The following CSMD2 variants were observed in gnomAD, a reference collection of about 807,000 sequenced individuals.
CSMD2 encodes the protein CUB and Sushi multiple domains 2, also known as CUB and sushi domain-containing protein 2.
In CSMD2, 130 loss-of-function variants were observed where a neutral mutation model predicts 398.5. That is an observed-to-expected ratio of 0.33 (90% CI 0.28 to 0.38). CSMD2 has a LOEUF of 0.38. Ranked by LOEUF, CSMD2 falls within the 10% of genes least tolerant of loss-of-function variation. CSMD2 has a pLI of 1.00. For synonymous variants in CSMD2, 1,828 were observed against 1,908.5 expected (o/e 0.96, Z 1.10); for missense variants, 3,829 against 4,764.9 (o/e 0.80, Z 5.78).
intron 24 of CSMD2, among the ~76,000 whole-genome samples, chr1:33,696,918 G>A (rs1479973556): frequency 6.6e-6 from 1 of 152,160 alleles, no homozygotes; most frequent in Non-Finnish European, 1.5e-5. Flanking sequence ...AGCTATAGCA[G>A]TCATTTGTGG....
chr1:34,019,771 C>T (rs753954073), intron 3 of CSMD2, among the ~76,000 whole-genome samples: 13 of 152,172 alleles, frequency 8.5e-5, no homozygotes, highest in African/African-American at 1.2e-4. Flanking sequence ...TTCCTGTGGC[C>T]TCCTAGGTCC....
chr1:33,936,564 G>A (rs1397811574), intron 3 of CSMD2, among the ~76,000 whole-genome samples: 4 of 152,336 alleles, frequency 2.6e-5, no homozygotes, highest in East Asian at 3.9e-4. Flanking sequence ...TGGGAGCCAG[G>A]AAACACCATG....
intron 2 of CSMD2, among the ~76,000 whole-genome samples, chr1:34,065,034 A>G (rs1010706582): frequency 1.3e-5 from 2 of 152,180 alleles, no homozygotes; most frequent in Admixed American, 1.3e-4. Flanking sequence ...TTCTCCCACA[A>G]TATGTGGGAA....
intron 10 of CSMD2, among the ~76,000 whole-genome samples, chr1:33,798,906 C>A (rs1418043623): frequency 2.6e-5 from 4 of 152,152 alleles, no homozygotes; most frequent in Non-Finnish European, 5.9e-5. Context: ...CCAAAGCCTG[C>A]ACAAGCCTGC....
At chr1:33,594,741 A>G (rs1361261535) in intron 44 of CSMD2, among the ~76,000 whole-genome samples, 1 of 151,770 alleles carries the variant, frequency 6.6e-6, no homozygotes, top group African/African-American at 2.4e-5. Context: ...TCATCTTTGC[A>G]TTGTTTTTCT....
At chr1:34,057,954 G>T (rs549602431) in intron 2 of CSMD2, among the ~76,000 whole-genome samples, 9 of 152,192 alleles carry the variant, frequency 5.9e-5, no homozygotes, top group Non-Finnish European at 1.2e-4. Flanking sequence ...GGCTGGCAGT[G>T]ACACTGGCCA....
chr1:33,945,809 C>T (rs996300009), intron 3 of CSMD2, among the ~76,000 whole-genome samples: 4 of 152,156 alleles, frequency 2.6e-5, no homozygotes, highest in Non-Finnish European at 5.9e-5. Flanking sequence ...CTGCTCAGCC[C>T]GATCTGCCCC....
At chr1:33,607,445 T>C (rs1364930480) in intron 41 of CSMD2, among the ~76,000 whole-genome samples, 1 of 152,094 alleles carries the variant, frequency 6.6e-6, no homozygotes, top group Admixed American at 6.5e-5. Context: ...GCTGGGTTTT[T>C]CCCCAGAGGA....
intron 53 of CSMD2, among the ~76,000 whole-genome samples, chr1:33,566,116 G>A (rs542465797): frequency 1.2e-4 from 18 of 151,648 alleles, no homozygotes; most frequent in Admixed American, 4.6e-4. Context: ...AAAAACAGTG[G>A]GAAACAAAGC....
chr1:34,007,205 C>T (rs1450016228), intron 3 of CSMD2, among the ~76,000 whole-genome samples: 1 of 152,122 alleles, frequency 6.6e-6, no homozygotes, highest in Non-Finnish European at 1.5e-5. Flanking sequence ...GAGCATCACG[C>T]CTGACCTCAG....
rs1158513978 is a variant in CSMD2 at position 33,559,480 on chromosome 1, C to G, written c.8381-7G>C. ...GGGTGTCCACAGGTAATTGCTGTAA[C>G]CAAAACAGAAGATAGGTAAGCCCTC... is the stretch of plus-strand genomic sequence containing the variant. On this transcript the variant is annotated splice_polypyrimidine_tract_variant and splice_region_variant and intron_variant, in intron 53 of 70. Coordinates refer to ENST00000373381, the MANE Select transcript of CSMD2 (RefSeq NM_001281956.2). The surrounding 1 kb of genome is among the most constrained non-coding windows in gnomAD (Gnocchi z 4.0). 2.2e-5 allele frequency: 34 copies of G among 1,535,942 alleles called. No homozygotes were observed. The highest frequency in any genetic ancestry group is 1.7e-4 in the Middle Eastern group (1 of 5,988).
At chr1:34,104,749 C>A (rs1361240956) in intron 1 of CSMD2, among the ~76,000 whole-genome samples, 4 of 152,186 alleles carry the variant, frequency 2.6e-5, no homozygotes, top group Admixed American at 6.5e-5. Context: ...GGCACCTTGT[C>A]CGCTGATGAG....
chr1:33,790,156 G>C (rs997889984), intron 11 of CSMD2, among the ~76,000 whole-genome samples: 3 of 152,210 alleles, frequency 2.0e-5, no homozygotes, highest in African/African-American at 7.2e-5. Flanking sequence ...GGCAGAAAAT[G>C]AGTGATGGGG....
At chr1:33,698,326 C>T (rs532506295) in intron 24 of CSMD2, among the ~76,000 whole-genome samples, 1 of 152,250 alleles carries the variant, frequency 6.6e-6, no homozygotes, top group Admixed American at 6.5e-5. Context: ...AGAATGAGCC[C>T]CATTTTACCT....
At chr1:33,650,903 C>T (rs1170178425) in intron 28 of CSMD2, among the ~76,000 whole-genome samples, 1 of 152,150 alleles carries the variant, frequency 6.6e-6, no homozygotes, top group East Asian at 1.9e-4. Context: ...TTTGCTGATC[C>T]TACAATTTTA....
intron 12 of CSMD2, among the ~76,000 whole-genome samples, chr1:33,785,710 C>T (rs1366333285): frequency 3.9e-5 from 6 of 152,160 alleles, no homozygotes. Context: ...ATGGAGGTCC[C>T]TGGAGGGTAC....
At chr1:33,775,900 A>G (rs1031780721) in intron 12 of CSMD2, among the ~76,000 whole-genome samples, 1 of 152,196 alleles carries the variant, frequency 6.6e-6, no homozygotes, top group Non-Finnish European at 1.5e-5. Flanking sequence ...ACAGGAGCTT[A>G]AAGAAGAATG....
intron 13 of CSMD2, among the ~76,000 whole-genome samples, chr1:33,765,062 A>G (rs1217134789): frequency 2.0e-5 from 3 of 152,234 alleles, no homozygotes; most frequent in African/African-American, 7.2e-5. Context: ...TGTTATATTT[A>G]GAAAGACGGA....
chr1:33,523,666 G>C (rs1654512567), intron 66 of CSMD2, among the ~76,000 whole-genome samples: 1 of 152,198 alleles, frequency 6.6e-6, no homozygotes, highest in African/African-American at 2.4e-5. Flanking sequence ...CCGGGTTGAG[G>C]TTGTGATGCT....
Sources: gnomAD v4.1 joint callset for allele counts (sites outside exome capture counted in the v4.1 genomes callset) on GRCh38, gnomAD v4.1.1 for gene constraint, Gnocchi (gnomAD v3.1) non-coding constraint, MANE v1.5 for transcripts, NCBI Gene and HGNC (gene_info 2026-07-23, HGNC 2026-07-21) for gene names.